Variants in SPCS2 observed in about 807,000 individuals in gnomAD.
SPCS2 encodes SPase 25 kDa subunit.
A neutral mutation model predicts 22.3 loss-of-function variants in SPCS2; 3 were observed. That is an observed-to-expected ratio of 0.13 (90% CI 0.06 to 0.35). The LOEUF is 0.35. Ranked by LOEUF, SPCS2 falls within the 10% of genes least tolerant of loss-of-function variation. The pLI, the probability that SPCS2 is intolerant of heterozygous loss-of-function variation, is 1.00. For missense variants in SPCS2, 169 were observed against 280.9 expected (o/e 0.60, Z 2.85); for synonymous variants, 67 against 97.2 (o/e 0.69, Z 1.83).
intron 1 of SPCS2, among the ~76,000 whole-genome samples, chr11:74,962,648 A>G (rs552668736): frequency 6.6e-6 from 1 of 152,222 alleles, no homozygotes. Flanking sequence ...TTTGAGCATG[A>G]TGAGAAGTAA....
chr11:74,965,940 C>T lies in SPCS2; in HGVS notation c.359+17C>T. 6.3e-7 allele frequency: 1 copy of T among 1,582,836 alleles called. No individual in the cohort carries two copies. The highest frequency in any genetic ancestry group is 8.6e-7 in the Non-Finnish European group (1 of 1,167,242). ...TGTCATATCATATCCTTTATTTATG[C>T]TCAGGTTGTTTTCTAGTGACTATTT... is the stretch of plus-strand genomic sequence containing the variant. On this transcript the variant is annotated intron_variant, in intron 3 of 4. Transcript: ENST00000263672.
intron 1 of SPCS2, among the ~76,000 whole-genome samples, chr11:74,962,135 G>T (rs1359758767): frequency 6.6e-6 from 1 of 152,192 alleles, no homozygotes; most frequent in Non-Finnish European, 1.5e-5. Flanking sequence ...CAGTTTTACA[G>T]TGGGTGAAAA....
At chr11:74,949,450 C>T (rs1591728283) in intron 1 of SPCS2, 51 bp downstream of exon 1, 6 of 1,494,898 alleles carry the variant, frequency 4.0e-6, no homozygotes, top group African/African-American at 1.4e-5. Context: ...GCCTGGGAGG[C>T]GGCGAGCCAA....
chr11:74,965,283 T>C, intron 2 of SPCS2, 166 bp downstream of exon 2: 1 of 537,724 alleles, frequency 1.9e-6, no homozygotes, highest in Non-Finnish European at 3.3e-6. Flanking sequence ...AGGAAGTGTG[T>C]TGAAATATCA....
intron 1 of SPCS2, chr11:74,949,633 T>G (rs1387112309): frequency 3.4e-6 from 2 of 583,370 alleles, no homozygotes; most frequent in Admixed American, 2.2e-5. Flanking sequence ...CTGGTCCTGG[T>G]CGCCACACCT....
At chr11:74,951,621 A>G (rs1327360654) in intron 1 of SPCS2, among the ~76,000 whole-genome samples, 2 of 151,958 alleles carry the variant, frequency 1.3e-5, no homozygotes, top group Non-Finnish European at 2.9e-5. Context: ...GACCAGCCAG[A>G]CCAAGATGGA....
chr11:74,957,542 A>C (rs1948487154), intron 1 of SPCS2, among the ~76,000 whole-genome samples: 1 of 152,196 alleles, frequency 6.6e-6, no homozygotes, highest in African/African-American at 2.4e-5. Flanking sequence ...TCGTGCCTTA[A>C]TTCAGGTCTT....
At chr11:74,961,969 G>A (rs913818832) in intron 1 of SPCS2, among the ~76,000 whole-genome samples, 1 of 152,174 alleles carries the variant, frequency 6.6e-6, no homozygotes, top group African/African-American at 2.4e-5. Context: ...AATGAGCCAT[G>A]TATTTGTAAT....
At chr11:74,953,624 A>G (rs1948459645) in intron 1 of SPCS2, among the ~76,000 whole-genome samples, 2 of 152,210 alleles carry the variant, frequency 1.3e-5, no homozygotes, top group African/African-American at 4.8e-5. Flanking sequence ...AGTTTTCCCT[A>G]AGCAGATGTG....
At chr11:74,967,924 A>G (rs993952807) in intron 3 of SPCS2, among the ~76,000 whole-genome samples, 1 of 151,840 alleles carries the variant, frequency 6.6e-6, no homozygotes, top group Non-Finnish European at 1.5e-5. Flanking sequence ...ACAGAGTGAG[A>G]CCCTGTCTCA....
At chr11:74,959,591 A>C (rs775211619) in intron 1 of SPCS2, among the ~76,000 whole-genome samples, 10 of 152,122 alleles carry the variant, frequency 6.6e-5, no homozygotes, top group African/African-American at 9.7e-5. Context: ...GTAGATACGG[A>C]GGAGTCTTGC....
At chr11:74,955,849 AAAAT>A (rs1401070390) in intron 1 of SPCS2, among the ~76,000 whole-genome samples, 1 of 36,214 alleles carries the variant, frequency 2.8e-5, no homozygotes, top group African/African-American at 7.6e-5. Context: ...ATTACTAATT[AAAAT>A]ATATATATAT....
intron 1 of SPCS2, among the ~76,000 whole-genome samples, chr11:74,953,217 ATTT>A (rs11344190): frequency 7.0e-6 from 1 of 143,348 alleles, no homozygotes; most frequent in Non-Finnish European, 1.5e-5. Context: ...CTTTAATATA[ATTT>A]TTTTTTTTTT....
intron 1 of SPCS2, among the ~76,000 whole-genome samples, chr11:74,953,459 C>T (rs11236274): frequency 0.012 from 1,767 of 152,148 alleles, 46 homozygotes; most frequent in African/African-American, 0.04. Context: ...TCCCAAAGTG[C>T]GGGGTTTACA....
At chr11:74,965,561 T>A (rs1948539715) in intron 2 of SPCS2, among the ~76,000 whole-genome samples, 1 of 152,154 alleles carries the variant, frequency 6.6e-6, no homozygotes, top group Non-Finnish European at 1.5e-5. Flanking sequence ...GAGTTTAAAG[T>A]TTTTTATATG....
chr11:74,955,604 T>C (rs1253317761), intron 1 of SPCS2, among the ~76,000 whole-genome samples: 1 of 151,882 alleles, frequency 6.6e-6, no homozygotes, highest in African/African-American at 2.4e-5. Flanking sequence ...GCATATATTC[T>C]AGAATTAGAT....
At position 74,950,410 on chromosome 11, in the gene SPCS2, T is replaced by C. The variant is rs527667362; in HGVS notation, c.114+1011T>C. Reference sequence around the variant, plus strand: ...ATATAGTAAGCAGAATTTTTGAATATAATTGAAAACAGCTTTCAGACTTCC... The same window carrying C: ...ATATAGTAAGCAGAATTTTTGAATACAATTGAAAACAGCTTTCAGACTTCC... On this transcript the variant is annotated intron_variant, in intron 1 of 4. Coordinates refer to ENST00000263672, the MANE Select transcript of SPCS2 (RefSeq NM_014752.3). Among the ~76,000 whole-genome samples the C allele has an allele frequency of 2.0e-5, 3 of 152,362 alleles. No homozygotes were observed. The South Asian group carries it at 6.2e-4, about 32-fold the overall frequency.
At chr11:74,961,049 A>G (rs1948511227) in intron 1 of SPCS2, among the ~76,000 whole-genome samples, 1 of 151,030 alleles carries the variant, frequency 6.6e-6, no homozygotes, top group Admixed American at 6.6e-5. Context: ...AAAAAAAAAA[A>G]GCTATTGAGA....
rs992451147 is a variant in SPCS2, at chr11:74,978,639, A to G, written c.*1596A>G. The G allele has an allele frequency of 2.6e-5, 4 of 152,220 alleles. No homozygotes were observed. The highest frequency in any genetic ancestry group is 7.2e-5 in the African/African-American group (3 of 41,468). 9.4% of individuals were successfully genotyped at this position (152,220 alleles called of 1,614,324 possible). A position where few individuals can be genotyped will look rare whatever the true frequency, so the allele number is the denominator to read the frequency against. On this transcript the variant is annotated 3_prime_UTR_variant, in exon 5 of 5. Coordinates refer to ENST00000263672, the MANE Select transcript of SPCS2 (RefSeq NM_014752.3). ...ACTTTTAATCACCTCTGGATTACCT[A>G]TAATACCTAATATAATGTAAATGCT...
Sources: allele counts gnomAD v4.1 joint callset (sites outside exome capture counted in the v4.1 genomes callset), GRCh38; gene constraint gnomAD v4.1.1; transcripts MANE v1.5; gene names NCBI Gene and HGNC (gene_info 2026-07-23, HGNC 2026-07-21).